The following ITPR1 variants were observed in gnomAD, a reference collection of about 807,000 sequenced individuals.
ITPR1 encodes the protein inositol 1,4,5-trisphosphate receptor type 1.
A neutral mutation model predicts 318.4 loss-of-function variants in ITPR1; 96 were observed. The observed-to-expected ratio is 0.30, with a 90% CI of 0.26 to 0.36. The LOEUF is 0.36. ITPR1 is among the 10% of genes least tolerant of loss of function. The pLI is 1.00. For missense variants in ITPR1, 2,440 were observed against 3,460.2 expected (o/e 0.71, Z 7.40); for synonymous variants, 1,312 against 1,289.9 (o/e 1.02, Z -0.37).
chr3:4,562,626 C>T (rs986178051), intron 4 of ITPR1, among the ~76,000 whole-genome samples: 1 of 151,902 alleles, frequency 6.6e-6, no homozygotes, highest in African/African-American at 2.4e-5. Flanking sequence ...TGAGATTTTC[C>T]AGGATCTTAT....
chr3:4,714,696 G>A (rs114776247), intron 39 of ITPR1, among the ~76,000 whole-genome samples: 255 of 152,314 alleles, frequency 1.7e-3, no homozygotes, highest in African/African-American at 2.3e-3. Flanking sequence ...TAAAGATGAC[G>A]AGACGTAGGT....
At position 4,710,158 on chromosome 3, in the gene ITPR1, A is replaced by G. The variant is rs141366060; in HGVS notation, c.4843-167A>G. Among the ~76,000 whole-genome samples the G allele has an allele frequency of 2.8e-4, 42 of 152,314 alleles. No individual in the cohort carries two copies. The highest frequency in any genetic ancestry group is 9.1e-4 in the African/African-American group (38 of 41,562). On this transcript the variant is annotated intron_variant, in intron 37 of 61. Coordinates refer to ENST00000649015, the MANE Select transcript of ITPR1 (RefSeq NM_001378452.1). The surrounding 1 kb of genome is among the most constrained non-coding windows in gnomAD (Gnocchi z 4.2). ...TTTCTGCATCAGAGGCTAATGTTTCAGGTAACCATTGGGCAATGTCTAATA... is the reference window on the plus strand; with the variant it reads ...TTTCTGCATCAGAGGCTAATGTTTCGGGTAACCATTGGGCAATGTCTAATA...
intron 44 of ITPR1, among the ~76,000 whole-genome samples, chr3:4,740,233 G>A (rs950900788): frequency 6.6e-6 from 1 of 152,116 alleles, no homozygotes; most frequent in Non-Finnish European, 1.5e-5. Context: ...GGTCAGCCAG[G>A]CCCCCAAGCT....
intron 4 of ITPR1, among the ~76,000 whole-genome samples, chr3:4,605,389 G>A (rs1158993315): frequency 1.3e-5 from 2 of 152,162 alleles, no homozygotes; most frequent in African/African-American, 4.8e-5. Context: ...GGTAGAAAGT[G>A]TCAGAAAGGA....
intron 4 of ITPR1, among the ~76,000 whole-genome samples, chr3:4,582,402 T>C (rs2089446469): frequency 6.6e-6 from 1 of 152,128 alleles, no homozygotes; most frequent in Non-Finnish European, 1.5e-5. Flanking sequence ...ACAAAATTGT[T>C]AGCATGCTGT....
At position 4,501,688 on chromosome 3, in the gene ITPR1, G is replaced by A. The variant is rs116259728; in HGVS notation, c.-17+7182G>A. Among the ~76,000 whole-genome samples, 910 of 152,334 alleles carry A rather than the reference G, an allele frequency of 6.0e-3. 6 individuals are homozygous for A. Among genetic ancestry groups the A allele is most frequent in the Non-Finnish European group, 8.3e-3 (564 of 68,024 alleles). On this transcript the variant is annotated intron_variant, in intron 2 of 61. Transcript: ENST00000649015. ...AAGGTAGGCTAATCACCAACCTGAG[G>A]TGAGAGTAAGTAGTTTTCACATGAT... is the stretch of plus-strand genomic sequence containing the variant.
chr3:4,578,697 C>A (rs1238268468), intron 4 of ITPR1, among the ~76,000 whole-genome samples: 2 of 152,146 alleles, frequency 1.3e-5, no homozygotes, highest in African/African-American at 2.4e-5. Context: ...GAGATTTAAA[C>A]GTGGTTGGCG....
chr3:4,548,287 A>G (rs890963212), intron 4 of ITPR1, among the ~76,000 whole-genome samples: 3 of 152,270 alleles, frequency 2.0e-5, no homozygotes, highest in African/African-American at 7.2e-5. Context: ...TCAAACATCA[A>G]GTTTGGGTTG....
chr3:4,682,315 A>G (rs1351220533), intron 26 of ITPR1, among the ~76,000 whole-genome samples: 1 of 152,244 alleles, frequency 6.6e-6, no homozygotes, highest in Non-Finnish European at 1.5e-5. Context: ...GCTTCTTTAC[A>G]GCACGGTGGC....
At chr3:4,803,893 A>G (rs949863047) in intron 54 of ITPR1, among the ~76,000 whole-genome samples, 2 of 152,112 alleles carry the variant, frequency 1.3e-5, no homozygotes, top group East Asian at 1.9e-4. Context: ...TTTTTTTGAG[A>G]CAGAGTCTCG....
At chr3:4,528,983 A>G (rs1395718911) in intron 4 of ITPR1, among the ~76,000 whole-genome samples, 1 of 152,212 alleles carries the variant, frequency 6.6e-6, no homozygotes, top group Non-Finnish European at 1.5e-5. Context: ...GTGTTACACA[A>G]TCGCTGGGGA....
At chr3:4,632,801 G>T (rs1440572632) in intron 5 of ITPR1, among the ~76,000 whole-genome samples, 1 of 151,704 alleles carries the variant, frequency 6.6e-6, no homozygotes, top group Non-Finnish European at 1.5e-5. Context: ...ATCAAAAATG[G>T]TCAACTCCTT....
At chr3:4,633,792 G>C (rs925781753) in intron 5 of ITPR1, among the ~76,000 whole-genome samples, 1 of 152,228 alleles carries the variant, frequency 6.6e-6, no homozygotes, top group Non-Finnish European at 1.5e-5. Flanking sequence ...TTTGTTCTGA[G>C]AAATGATTAC....
Position 4,814,443 on chromosome 3 carries a change from A to G in ITPR1, c.7582A>G (p.Thr2528Ala). Residue 2528 changes from threonine to alanine, a missense_variant, in exon 58 of 62, where the codon ACG (threonine) becomes GCG (alanine). This residue lies in a region of ITPR1 where 88 missense variants were observed against 90.5 expected (regional missense o/e 0.97). Coordinates refer to ENST00000649015, the MANE Select transcript of ITPR1 (RefSeq NM_001378452.1). ...PREELVPAEE[T>A]EQDKEHTCET... ...CACAGAGCTGGTCCCTGCAGAAGAG[A>G]CGGAACAGGATAAAGAGCACACATG... 1 of 1,613,858 alleles carries G rather than the reference A, an allele frequency of 6.2e-7. No individual in the cohort carries two copies. Among genetic ancestry groups the G allele is most frequent in the Non-Finnish European group, 8.5e-7 (1 of 1,179,854 alleles).
Position 4,733,289 on chromosome 3 carries a change from C to A in ITPR1, c.5353+69C>A, listed in dbSNP as rs1013547773. On this transcript the variant is annotated intron_variant, in intron 43 of 61. Coordinates refer to ENST00000649015, the MANE Select transcript of ITPR1 (RefSeq NM_001378452.1). Reference sequence around the variant, plus strand: ...GTTCTGTGATAGCTGCATGTTTCCTCCTAACAGGTTGAAATGCTCACAACA... The same window carrying A: ...GTTCTGTGATAGCTGCATGTTTCCTACTAACAGGTTGAAATGCTCACAACA... 3.8e-6 allele frequency: 6 copies of A among 1,559,194 alleles called. No individual in the cohort carries two copies. In the South Asian group the frequency reaches 6.8e-5, roughly 18 times the overall value.
At chr3:4,681,730 G>A (rs1460921149) in intron 26 of ITPR1, among the ~76,000 whole-genome samples, 1 of 151,840 alleles carries the variant, frequency 6.6e-6, no homozygotes, top group Non-Finnish European at 1.5e-5. Context: ...TTTACATAGT[G>A]AGGAAATGCA....
chr3:4,689,950 CT>C (rs1398535588), intron 31 of ITPR1, among the ~76,000 whole-genome samples: 1 of 152,184 alleles, frequency 6.6e-6, no homozygotes, highest in Non-Finnish European at 1.5e-5. Context: ...ACATAACACA[CT>C]CAAAAAAGTC....
At chr3:4,543,685 T>C (rs1026364577) in intron 4 of ITPR1, among the ~76,000 whole-genome samples, 2 of 152,162 alleles carry the variant, frequency 1.3e-5, no homozygotes, top group Middle Eastern at 3.2e-3. Flanking sequence ...TCAAGTGATC[T>C]GCCCACCTCG....
chr3:4,602,867 A>C (rs56098012), intron 4 of ITPR1, among the ~76,000 whole-genome samples: 73,274 of 151,340 alleles, frequency 0.48, 17,974 homozygotes, highest in South Asian at 0.63. Context: ...GGGAGTGACT[A>C]TTAATGGGTA....
Sources: gnomAD v4.1 joint callset for allele counts (sites outside exome capture counted in the v4.1 genomes callset) on GRCh38, gnomAD v4.1.1 for gene constraint, gnomAD v4.1.1 regional missense constraint, Gnocchi (gnomAD v3.1) non-coding constraint, MANE v1.5 for transcripts, NCBI Gene and HGNC (gene_info 2026-07-23, HGNC 2026-07-21) for gene names.